The following PGBD2 variants were observed in gnomAD, a reference collection of about 807,000 sequenced individuals.
PGBD2 encodes the protein piggyBac transposable element derived 2.
A neutral mutation model predicts 8.1 loss-of-function variants in PGBD2; 6 were observed. The observed-to-expected ratio is 0.74, with a 90% CI of 0.40 to 1.46. PGBD2 has a LOEUF of 1.46. Ranked by LOEUF, PGBD2 falls within the 40% of genes most tolerant of loss-of-function variation. PGBD2 has a pLI of 0.02. For missense variants in PGBD2, 802 were observed against 739.0 expected, an observed-to-expected ratio of 1.09 and a Z score of -0.99; for synonymous variants, 318 against 272.2, an observed-to-expected ratio of 1.17 and a Z score of -1.66.
At chr1:248,873,905 C>T in the PGBD2 span, among the ~76,000 whole-genome samples, 7 of 152,210 alleles carry the variant, frequency 4.6e-5, no homozygotes, top group East Asian at 1.9e-4. Context: ...AAGCACCTTG[C>T]CTGCGGGCTT....
At chr1:248,882,756 C>T in the PGBD2 span, among the ~76,000 whole-genome samples, 1 of 152,210 alleles carries the variant, frequency 6.6e-6, no homozygotes, top group Non-Finnish European at 1.5e-5. Flanking sequence ...GACCGCACGT[C>T]CATTCATAGG....
the PGBD2 span, among the ~76,000 whole-genome samples, chr1:248,896,805 T>C: frequency 6.6e-6 from 1 of 152,090 alleles, no homozygotes; most frequent in Admixed American, 6.5e-5. Flanking sequence ...AAAAGCAAGG[T>C]GGGGCGACAG....
At chr1:248,921,083 T>C (rs573422679), downstream of PGBD2, among the ~76,000 whole-genome samples, 1 of 152,344 alleles carries the variant, frequency 6.6e-6, no homozygotes, top group South Asian at 2.1e-4. Flanking sequence ...TCTCCCGTTC[T>C]GTAGGTTGCC....
downstream of PGBD2, among the ~76,000 whole-genome samples, chr1:248,924,303 C>T (rs1002252809): frequency 2.6e-5 from 4 of 152,178 alleles, no homozygotes; most frequent in East Asian, 3.9e-4. Flanking sequence ...CAGCACGTGG[C>T]GTGCAAACCC....
chr1:248,925,859 C>A, the PGBD2 span, among the ~76,000 whole-genome samples: 1 of 152,088 alleles, frequency 6.6e-6, no homozygotes, highest in African/African-American at 2.4e-5. Context: ...CTGCTCTTTC[C>A]TTTGGTGACT....
the PGBD2 span, among the ~76,000 whole-genome samples, chr1:248,889,269 T>C: frequency 9.2e-5 from 14 of 152,044 alleles, no homozygotes; most frequent in Admixed American, 5.2e-4. Context: ...CCTGTAATCC[T>C]AGCTACTCAG....
chr1:248,875,096 G>A, the PGBD2 span, among the ~76,000 whole-genome samples: 1 of 152,050 alleles, frequency 6.6e-6, no homozygotes, highest in African/African-American at 2.4e-5. Flanking sequence ...AGGAGATCGA[G>A]ACCATCCCGG....
Position 248,918,352 on chromosome 1 carries a change from C to T in PGBD2, c.1768C>T (p.His590Tyr). ...GVHAKCFREY[H>Y]IR ...CCATGCCAAATGCTTCAGGGAGTAC[C>T]ACATCCGGTGACATCATGAGACATG... Residue 590 changes from histidine to tyrosine, a missense_variant, in exon 3 of 3, where the codon CAC becomes TAC. Coordinates refer to ENST00000329291, the MANE Select transcript of PGBD2 (RefSeq NM_170725.3). The T allele has an allele frequency of 6.4e-7, 1 of 1,552,872 alleles. No homozygotes were observed. The highest frequency in any genetic ancestry group is 8.7e-7 in the Non-Finnish European group (1 of 1,150,422).
the PGBD2 span, among the ~76,000 whole-genome samples, chr1:248,900,276 TACA>T: frequency 2.0e-5 from 3 of 151,834 alleles, no homozygotes; most frequent in South Asian, 2.1e-4. Flanking sequence ...CTGGCAGAAA[TACA>T]ACAACAACAA....
the PGBD2 span, among the ~76,000 whole-genome samples, chr1:248,888,505 G>A: frequency 1.3e-5 from 2 of 152,118 alleles, no homozygotes; most frequent in African/African-American, 4.8e-5. Flanking sequence ...TAGTGATGTT[G>A]AACTTTTTTT....
At chr1:248,889,957 C>T in the PGBD2 span, among the ~76,000 whole-genome samples, 6 of 138,558 alleles carry the variant, frequency 4.3e-5, no homozygotes, top group South Asian at 4.5e-4. Context: ...GACGGAGTTT[C>T]GCTCTTGTTG....
At chr1:248,901,498 C>A (rs370847975), upstream of PGBD2, among the ~76,000 whole-genome samples, 6 of 152,240 alleles carry the variant, frequency 3.9e-5, no homozygotes, top group East Asian at 1.2e-3. Flanking sequence ...AGAAATAATT[C>A]TCTATTTAAC....
chr1:248,891,865 C>G, the PGBD2 span, among the ~76,000 whole-genome samples: 2 of 152,298 alleles, frequency 1.3e-5, no homozygotes, highest in South Asian at 4.1e-4. Context: ...AAAGTCCAAT[C>G]TCTTGTAAAT....
intron 1 of PGBD2, among the ~76,000 whole-genome samples, chr1:248,909,193 G>T (rs1269678227): frequency 6.6e-6 from 1 of 152,168 alleles, no homozygotes; most frequent in Non-Finnish European, 1.5e-5. Flanking sequence ...CTCAGGCAGG[G>T]CAAGAAAGAT....
At chr1:248,922,363 A>G (rs142393257), downstream of PGBD2, among the ~76,000 whole-genome samples, 2,693 of 152,176 alleles carry the variant, frequency 0.018, 91 homozygotes, top group African/African-American at 0.061. Flanking sequence ...CCAGCTGAGA[A>G]AATGGGGTTT....
At chr1:248,913,941 G>A in intron 2 of PGBD2, 62 bp downstream of exon 2, 1 of 1,409,070 alleles carries the variant, frequency 7.1e-7, no homozygotes, top group Admixed American at 1.7e-5. Context: ...CTTTTGAAAG[G>A]CCAGGTCCAT....
At position 248,911,948 on chromosome 1, in the gene PGBD2, C is replaced by T. The variant is rs576401799; in HGVS notation, c.-47-1868C>T. Among the ~76,000 whole-genome samples the T allele has an allele frequency of 9.9e-5, 15 of 151,988 alleles. No homozygotes were observed. The East Asian group carries it at 1.2e-3, about 12-fold the overall frequency. ...GAGAGGGGTTGTTGGTCTATTCTTG[C>T]GGTTGTAAAAGTGGCCCAGAGTGAG... On this transcript the variant is annotated intron_variant, in intron 1 of 2. Transcript: ENST00000329291.
the PGBD2 span, among the ~76,000 whole-genome samples, chr1:248,926,898 A>G: frequency 6.6e-6 from 1 of 152,220 alleles, no homozygotes; most frequent in Non-Finnish European, 1.5e-5. Flanking sequence ...TGATTCTGAT[A>G]TAAGAGATGA....
chr1:248,911,596 C>T (rs1661880499), intron 1 of PGBD2, among the ~76,000 whole-genome samples: 1 of 145,664 alleles, frequency 6.9e-6, no homozygotes, highest in Admixed American at 6.6e-5. Flanking sequence ...ACAAAGCCGC[C>T]ATTGTCATCC....
Sources: allele counts gnomAD v4.1 joint callset (sites outside exome capture counted in the v4.1 genomes callset), GRCh38; gene constraint gnomAD v4.1.1; transcripts MANE v1.5; gene names NCBI Gene and HGNC (gene_info 2026-07-23, HGNC 2026-07-21).